ENTREP2: variants seen among roughly 807,000 people sequenced by gnomAD.
The protein encoded by ENTREP2 is endosomal transmembrane epsin interactor 2, also known as protein ENTREP2.
At chr15:29,580,387 G>T in the ENTREP2 span, among the ~76,000 whole-genome samples, 1 of 152,270 alleles carries the variant, frequency 6.6e-6, no homozygotes, top group South Asian at 2.1e-4. Flanking sequence ...AGGATTAAAT[G>T]ATTTCATTTA....
At chr15:29,131,299 C>A in the ENTREP2 span, among the ~76,000 whole-genome samples, 1 of 151,892 alleles carries the variant, frequency 6.6e-6, no homozygotes, top group African/African-American at 2.4e-5. Flanking sequence ...AGTGTCAGGA[C>A]CTGGTGCTGC....
chr15:29,230,878 A>C, the ENTREP2 span, among the ~76,000 whole-genome samples: 1 of 152,202 alleles, frequency 6.6e-6, no homozygotes, highest in African/African-American at 2.4e-5. Flanking sequence ...GCAATTAAAA[A>C]GTTTTAGGCA....
the ENTREP2 span, among the ~76,000 whole-genome samples, chr15:29,131,710 G>C: frequency 5.3e-5 from 3 of 56,718 alleles, no homozygotes; most frequent in African/African-American, 7.5e-5. Flanking sequence ...AAAGGAGTTC[G>C]TGTCTGTCCG....
chr15:29,222,503 G>A, the ENTREP2 span, among the ~76,000 whole-genome samples: 1 of 151,934 alleles, frequency 6.6e-6, no homozygotes, highest in Non-Finnish European at 1.5e-5. Flanking sequence ...CCCTCTCTTG[G>A]GGTCTGGATT....
chr15:29,523,659 T>C, the ENTREP2 span, among the ~76,000 whole-genome samples: 2 of 148,316 alleles, frequency 1.3e-5, no homozygotes, highest in Non-Finnish European at 3.0e-5. Context: ...CAAAACAATC[T>C]TGGGAAATCA....
At chr15:29,643,900 A>G in the ENTREP2 span, among the ~76,000 whole-genome samples, 1 of 152,162 alleles carries the variant, frequency 6.6e-6, no homozygotes, top group Non-Finnish European at 1.5e-5. Context: ...CCATTCCTCA[A>G]ATGGTTACCA....
At chr15:29,222,775 C>T in the ENTREP2 span, among the ~76,000 whole-genome samples, 3 of 152,202 alleles carry the variant, frequency 2.0e-5, no homozygotes, top group African/African-American at 7.2e-5. Context: ...GCTCACCCCA[C>T]TAGGAATTAC....
chr15:29,276,555 C>G, the ENTREP2 span, among the ~76,000 whole-genome samples: 2 of 152,210 alleles, frequency 1.3e-5, no homozygotes, highest in Admixed American at 1.3e-4. Flanking sequence ...TCTCGCCCCT[C>G]TGAGCTCACA....
the ENTREP2 span, among the ~76,000 whole-genome samples, chr15:29,309,692 T>C: frequency 2.0e-5 from 3 of 150,730 alleles, no homozygotes; most frequent in East Asian, 5.9e-4. Flanking sequence ...GGGAGGCTGA[T>C]GCAGGAGAAT....
chr15:29,178,404 C>G, the ENTREP2 span, among the ~76,000 whole-genome samples: 1 of 152,026 alleles, frequency 6.6e-6, no homozygotes, highest in African/African-American at 2.4e-5. Context: ...CCCAAGTGTT[C>G]ACAATGCATC....
chr15:29,620,803 G>T, the ENTREP2 span, among the ~76,000 whole-genome samples: 235 of 152,248 alleles, frequency 1.5e-3, 2 homozygotes, highest in African/African-American at 5.4e-3. Flanking sequence ...CAGACAGAGG[G>T]TTCATCTTAC....
the ENTREP2 span, among the ~76,000 whole-genome samples, chr15:29,406,962 G>A: frequency 6.6e-6 from 1 of 152,062 alleles, no homozygotes; most frequent in Non-Finnish European, 1.5e-5. Flanking sequence ...CAATTACAGT[G>A]CCTTTAAAAA....
chr15:29,593,946 C>G, the ENTREP2 span, among the ~76,000 whole-genome samples: 3 of 152,040 alleles, frequency 2.0e-5, no homozygotes, highest in Non-Finnish European at 2.9e-5. Context: ...TCAATAAGCT[C>G]TATGGATTGT....
chr15:29,134,138 A>G, the ENTREP2 span, among the ~76,000 whole-genome samples: 1 of 152,208 alleles, frequency 6.6e-6, no homozygotes, highest in South Asian at 2.1e-4. Flanking sequence ...ATCACAGCCA[A>G]CTGTCTCCAC....
At chr15:29,157,705 CAA>C in the ENTREP2 span, among the ~76,000 whole-genome samples, 3 of 149,244 alleles carry the variant, frequency 2.0e-5, no homozygotes, top group African/African-American at 4.9e-5. Context: ...GAGAACAATT[CAA>C]AGTTATAACT....
At chr15:29,365,057 T>C in the ENTREP2 span, among the ~76,000 whole-genome samples, 1 of 152,176 alleles carries the variant, frequency 6.6e-6, no homozygotes, top group Non-Finnish European at 1.5e-5. Flanking sequence ...GAAAATCCTC[T>C]GTGTTCCACC....
chr15:29,594,462 C>T, the ENTREP2 span, among the ~76,000 whole-genome samples: 1 of 152,164 alleles, frequency 6.6e-6, no homozygotes, highest in Non-Finnish European at 1.5e-5. Context: ...TCTGCCAGCT[C>T]CTTGAACCTC....
chr15:29,154,130 A>G, the ENTREP2 span, among the ~76,000 whole-genome samples: 2 of 152,198 alleles, frequency 1.3e-5, no homozygotes, highest in Non-Finnish European at 2.9e-5. Context: ...GCTGAAATTG[A>G]TATCTTGGGA....
the ENTREP2 span, among the ~76,000 whole-genome samples, chr15:29,511,780 G>C: frequency 6.8e-6 from 1 of 148,096 alleles, no homozygotes; most frequent in South Asian, 2.2e-4. Context: ...CCACAGCTTA[G>C]TACCTGCATA....
Sources: gnomAD v4.1 joint callset for allele counts (sites outside exome capture counted in the v4.1 genomes callset) on GRCh38, gnomAD v4.1.1 for gene constraint, MANE v1.5 for transcripts, NCBI Gene and HGNC (gene_info 2026-07-23, HGNC 2026-07-21) for gene names.